The following FRMPD4 variants were observed in gnomAD, a reference collection of about 807,000 sequenced individuals.
FRMPD4 encodes the protein FERM and PDZ domain-containing protein 4.
A neutral mutation model predicts 94.1 loss-of-function variants in FRMPD4; 22 were observed. The observed-to-expected ratio is 0.23, with a 90% CI of 0.17 to 0.33. The LOEUF (loss-of-function observed/expected upper bound fraction) is 0.33, where lower values mean the gene tolerates loss of function less well. Ranked by LOEUF, FRMPD4 falls within the 10% of genes least tolerant of loss-of-function variation. FRMPD4 has a pLI of 1.00. For missense variants in FRMPD4, 1,111 were observed against 1,339.9 expected, an observed-to-expected ratio of 0.83 and a Z score of 2.67; for synonymous variants, 631 against 548.6, an observed-to-expected ratio of 1.15 and a Z score of -2.10.
intron 3 of FRMPD4, among the ~76,000 whole-genome samples, chrX:12,077,748 C>T (rs1316475560): frequency 1.8e-5 from 2 of 110,798 alleles, no homozygotes; most frequent in Admixed American, 9.6e-5. Context: ...TCGCCCCAAG[C>T]ATCACCTGCA....
chrX:12,264,362 T>C (rs2054241714), intron 1 of FRMPD4, among the ~76,000 whole-genome samples: 1 of 111,547 alleles, frequency 9.0e-6, no homozygotes, highest in Non-Finnish European at 1.9e-5. Context: ...CAAAGTTCCA[T>C]AGGTAGTTGG....
chrX:12,081,328 T>A (rs1834886207), intron 3 of FRMPD4, among the ~76,000 whole-genome samples: 1 of 112,084 alleles, frequency 8.9e-6, no homozygotes, highest in African/African-American at 3.2e-5. Context: ...AGCTACACTG[T>A]GGGAGGGCTG....
chrX:12,424,158 G>C (rs947900049), intron 1 of FRMPD4, among the ~76,000 whole-genome samples: 2 of 112,078 alleles, frequency 1.8e-5, no homozygotes, highest in South Asian at 7.5e-4. Flanking sequence ...ATGGTTACCG[G>C]TCATAGAGTA....
intron 5 of FRMPD4, 97 bp downstream of exon 5, chrX:12,675,005 G>A: frequency 1.6e-6 from 1 of 609,582 alleles, no homozygotes; most frequent in Non-Finnish European, 2.8e-6. Flanking sequence ...TAACAGCAGA[G>A]AAAAATAACA....
At chrX:12,096,992 G>A (rs1396103248) in intron 3 of FRMPD4, among the ~76,000 whole-genome samples, 4 of 111,660 alleles carry the variant, frequency 3.6e-5, no homozygotes, top group South Asian at 3.7e-4. Context: ...AAGGAATTGG[G>A]GACAAAATAG....
chrX:11,841,752 T>A (rs2053538353), intron 1 of FRMPD4, among the ~76,000 whole-genome samples: 1 of 106,264 alleles, frequency 9.4e-6, no homozygotes, highest in Admixed American at 1.0e-4. Flanking sequence ...TTTAGTTTAA[T>A]TAGATCCCAT....
In FRMPD4 at chrX:12,554,982, C is replaced by T. The variant is rs764352292; in HGVS notation, c.159-54739C>T. On this transcript the variant is annotated intron_variant, in intron 2 of 16. Coordinates refer to ENST00000675598, the MANE Select transcript of FRMPD4 (RefSeq NM_001368397.1). ...GTCCTGCTCTGGGGGGCCGTAGGTC[C>T]CAACCCATCTCACCCCCTGACCACT... Among the ~76,000 whole-genome samples the T allele has an allele frequency of 1.1e-4, 12 of 111,473 alleles. No homozygotes were observed. In the South Asian group the frequency reaches 2.7e-3, roughly 25 times the overall value.
chrX:12,136,517 A>C (rs146377598), upstream of FRMPD4, among the ~76,000 whole-genome samples: 1,813 of 111,150 alleles, frequency 0.016, 41 homozygotes, highest in African/African-American at 0.056. Flanking sequence ...TGGTGCATAC[A>C]TTTGACAGGG....
intron 1 of FRMPD4, among the ~76,000 whole-genome samples, chrX:11,841,905 A>G (rs1465129923): frequency 1.8e-5 from 2 of 110,443 alleles, no homozygotes. Context: ...TCTTTAATCC[A>G]TCTTGAATTC....
At chrX:11,990,065 A>C (rs1601872830) in intron 3 of FRMPD4, among the ~76,000 whole-genome samples, 1 of 112,523 alleles carries the variant, frequency 8.9e-6, no homozygotes, top group East Asian at 2.8e-4. Context: ...CAAAATGTCC[A>C]TCAATGGATA....
intron 1 of FRMPD4, among the ~76,000 whole-genome samples, chrX:11,831,580 A>G (rs1308535894): frequency 9.0e-6 from 1 of 111,684 alleles, no homozygotes; most frequent in Non-Finnish European, 1.9e-5. Flanking sequence ...TCATCAGCAT[A>G]TGAGTATAGA....
intron 1 of FRMPD4, among the ~76,000 whole-genome samples, chrX:12,431,109 A>C (rs2057004926): frequency 8.9e-6 from 1 of 112,775 alleles, no homozygotes; most frequent in African/African-American, 3.2e-5. Context: ...TTTATGCAAA[A>C]ATTCAGTGAA....
intron 1 of FRMPD4, among the ~76,000 whole-genome samples, chrX:12,475,243 C>T (rs1037751487): frequency 8.9e-6 from 1 of 111,843 alleles, no homozygotes; most frequent in East Asian, 2.8e-4. Flanking sequence ...GCAGAAAAGG[C>T]CTTCGACAAA....
chrX:12,231,041 TATATATAAA>T (rs1356749221), intron 1 of FRMPD4, among the ~76,000 whole-genome samples: 5 of 63,606 alleles, frequency 7.9e-5, no homozygotes, highest in African/African-American at 1.9e-4. Context: ...TATATATATA[TATATATAAA>T]ATATATATAT....
chrX:11,931,296 C>G (rs911450442), intron 3 of FRMPD4, among the ~76,000 whole-genome samples: 3 of 111,935 alleles, frequency 2.7e-5, no homozygotes, highest in African/African-American at 9.7e-5. Flanking sequence ...AAACAACCAC[C>G]TTTTTCTTCT....
intron 3 of FRMPD4, among the ~76,000 whole-genome samples, chrX:12,125,208 G>A (rs1449248411): frequency 1.8e-5 from 2 of 112,002 alleles, no homozygotes; most frequent in Non-Finnish European, 3.8e-5. Flanking sequence ...TAGCTCTGAT[G>A]TAGCTTTCAT....
At chrX:12,564,955 G>A (rs761533902) in intron 2 of FRMPD4, among the ~76,000 whole-genome samples, 5 of 110,373 alleles carry the variant, frequency 4.5e-5, no homozygotes, top group South Asian at 4.0e-4. Flanking sequence ...GCGTGGTGGC[G>A]GGTGCCTGTA....
intron 1 of FRMPD4, among the ~76,000 whole-genome samples, chrX:12,221,556 G>A (rs903987806): frequency 1.8e-5 from 2 of 112,266 alleles, no homozygotes; most frequent in African/African-American, 6.5e-5. Context: ...ATGGTTAGAG[G>A]AAGTTAGACT....
chrX:12,015,951 A>C (rs113311724), intron 3 of FRMPD4, among the ~76,000 whole-genome samples: 1 of 112,440 alleles, frequency 8.9e-6, no homozygotes, highest in African/African-American at 3.2e-5. Flanking sequence ...TTATTTTCAC[A>C]CAAGAAAAAT....
Sources: gnomAD v4.1 joint callset for allele counts (sites outside exome capture counted in the v4.1 genomes callset) on GRCh38, gnomAD v4.1.1 for gene constraint, MANE v1.5 for transcripts, NCBI Gene and HGNC (gene_info 2026-07-23, HGNC 2026-07-21) for gene names.